PRDM16: variants seen among roughly 807,000 people sequenced by gnomAD.
PRDM16 encodes the protein histone-lysine N-methyltransferase PRDM16.
In PRDM16, 23 loss-of-function variants were observed where a neutral mutation model predicts 110.6. That is an observed-to-expected ratio of 0.21 (90% CI 0.15 to 0.29). PRDM16 has a LOEUF of 0.29. Among genes scored for constraint, PRDM16 ranks in the 10% least tolerant of loss-of-function variants. The probability of loss-of-function intolerance (pLI) is 1.00; values close to 1 mark genes in which losing one functional copy is unlikely to be tolerated. For missense variants in PRDM16, 1,615 were observed against 1,794.3 expected, an observed-to-expected ratio of 0.90 and a Z score of 1.81; for synonymous variants, 799 against 781.8, an observed-to-expected ratio of 1.02 and a Z score of -0.37.
At chr1:3,321,518 G>A (rs1331000434) in intron 3 of PRDM16, among the ~76,000 whole-genome samples, 1 of 150,282 alleles carries the variant, frequency 6.7e-6, no homozygotes, top group Non-Finnish European at 1.5e-5. Context: ...ATATTTGTGT[G>A]GGGGTGCATG....
intron 3 of PRDM16, among the ~76,000 whole-genome samples, chr1:3,288,459 C>CT (rs1285305049): frequency 6.6e-6 from 1 of 152,184 alleles, no homozygotes; most frequent in Non-Finnish European, 1.5e-5. Context: ...CTCCAGCCTG[C>CT]TTTTTCTGAA....
chr1:3,340,076 T>C (rs1335363163), intron 3 of PRDM16, among the ~76,000 whole-genome samples: 1 of 152,180 alleles, frequency 6.6e-6, no homozygotes, highest in African/African-American at 2.4e-5. Context: ...GGTTTGCAGG[T>C]CCATCCTCTG....
At chr1:3,430,733 C>T (rs1557672658) in intron 14 of PRDM16, 139 bp from the exon 15 acceptor site, 2 of 1,021,532 alleles carry the variant, frequency 2.0e-6, no homozygotes, top group East Asian at 2.4e-5. Context: ...GCCCAGGGAC[C>T]CGCGGGAGCT....
At chr1:3,226,959 T>G (rs2100876945) in intron 2 of PRDM16, among the ~76,000 whole-genome samples, 1 of 152,350 alleles carries the variant, frequency 6.6e-6, no homozygotes, top group Admixed American at 6.5e-5. Flanking sequence ...TTTTGCTAAT[T>G]GGATTGGTTA....
At chr1:3,406,660 C>G (rs1260106467) in intron 8 of PRDM16, among the ~76,000 whole-genome samples, 2 of 152,136 alleles carry the variant, frequency 1.3e-5, no homozygotes, top group Non-Finnish European at 2.9e-5. Context: ...AGAGGATGTC[C>G]TGAGCCCAGG....
At chr1:3,381,843 A>G (rs1643107543) in intron 3 of PRDM16, among the ~76,000 whole-genome samples, 1 of 152,222 alleles carries the variant, frequency 6.6e-6, no homozygotes, top group African/African-American at 2.4e-5. Flanking sequence ...AGAGATACAG[A>G]GACAGACAGA....
At chr1:3,412,977 C>T (rs981809677) in intron 9 of PRDM16, among the ~76,000 whole-genome samples, 177 bp downstream of exon 9, 1 of 152,190 alleles carries the variant, frequency 6.6e-6, no homozygotes, top group Non-Finnish European at 1.5e-5. Context: ...GGAGGGATGC[C>T]TGGCTTGGCT....
At chr1:3,089,993 A>C (rs747095686) in intron 1 of PRDM16, among the ~76,000 whole-genome samples, 10 of 152,058 alleles carry the variant, frequency 6.6e-5, no homozygotes, top group African/African-American at 1.2e-4. Context: ...GTATCTCCCA[A>C]ATTTCTAAGA....
intron 1 of PRDM16, among the ~76,000 whole-genome samples, chr1:3,144,318 G>C (rs962140258): frequency 6.6e-6 from 1 of 152,200 alleles, no homozygotes; most frequent in African/African-American, 2.4e-5. Context: ...CGGGTTGGAT[G>C]CAGACAGGCC....
At chr1:3,433,266 G>A (rs960139014) in intron 16 of PRDM16, among the ~76,000 whole-genome samples, 21 of 152,250 alleles carry the variant, frequency 1.4e-4, no homozygotes, top group Admixed American at 1.2e-3. Context: ...CCCTCCCGCC[G>A]TCACGCCTGC....
chr1:3,351,840 C>T lies in PRDM16; in HGVS notation c.439-33312C>T, dbSNP rs142746427. On this transcript the variant is annotated intron_variant, in intron 3 of 16. Coordinates refer to ENST00000270722, the MANE Select transcript of PRDM16 (RefSeq NM_022114.4). ...CAGTCTCCAGCCATTTGGGGGGTTC[C>T]GCCTCCCCCTTGAGAACTCACACAC... is the stretch of plus-strand genomic sequence containing the variant. Among the ~76,000 whole-genome samples the T allele has an allele frequency of 3.2e-3, 482 of 148,562 alleles. 2 individuals carry two copies. The highest frequency in any genetic ancestry group is 5.1e-3 in the South Asian group (23 of 4,514).
chr1:3,091,532 C>T (rs6693385), intron 1 of PRDM16, among the ~76,000 whole-genome samples: 23,895 of 152,244 alleles, frequency 0.16, 1,998 homozygotes, highest in Middle Eastern at 0.23. Context: ...ACGCCTGCCC[C>T]GTGCCACACT....
rs781394846 is a variant in PRDM16, at chr1:3,118,213, A to ACACG, written c.37+48920_37+48921insGCAC. ...CATGCATGTACACACGCACACACGC[A>ACACG]CACACACACGTGCACACACGTGCAT... On this transcript the variant is annotated intron_variant, in intron 1 of 16. Transcript: ENST00000270722. Among the ~76,000 whole-genome samples, 85 of 151,904 alleles carry ACACG rather than the reference A, an allele frequency of 5.6e-4. 1 individual carries two copies. The highest frequency in any genetic ancestry group is 1.1e-3 in the Non-Finnish European group (72 of 67,988).
rs1030114970 is a variant in PRDM16, at chr1:3,080,939, T to G, written c.37+11643T>G. ...GCTTGTGTGCCTGAGAGTGTGTGTGTGTAGAGGGGGTGGCGGGGCGGGGGG... is the reference window on the plus strand; with the variant it reads ...GCTTGTGTGCCTGAGAGTGTGTGTGGGTAGAGGGGGTGGCGGGGCGGGGGG... On this transcript the variant is annotated intron_variant, in intron 1 of 16. Transcript: ENST00000270722. This position sits in a 1 kb window ranked among gnomAD's most constrained non-coding sequence, Gnocchi z 5.2. Among the ~76,000 whole-genome samples the G allele has an allele frequency of 2.0e-5, 3 of 151,580 alleles. No homozygotes were observed. The highest frequency in any genetic ancestry group is 4.4e-5 in the Non-Finnish European group (3 of 67,882).
chr1:3,140,427 GA>G (rs1643527038), intron 1 of PRDM16, among the ~76,000 whole-genome samples: 1 of 152,110 alleles, frequency 6.6e-6, no homozygotes, highest in South Asian at 2.1e-4. Flanking sequence ...TTGCCTCCGA[GA>G]AGGGACAGGT....
intron 2 of PRDM16, among the ~76,000 whole-genome samples, chr1:3,196,165 G>C (rs1324918060): frequency 3.9e-5 from 6 of 152,246 alleles, no homozygotes; most frequent in Admixed American, 1.3e-4. Context: ...AGCTCCAGCA[G>C]GGGCGGCAGC....
intron 3 of PRDM16, among the ~76,000 whole-genome samples, chr1:3,332,239 C>A (rs1257767943): frequency 6.6e-6 from 1 of 152,278 alleles, no homozygotes; most frequent in South Asian, 2.1e-4. Context: ...TTCTGCCACG[C>A]GCTGTGTACT....
Position 3,370,367 on chromosome 1 carries a change from G to A in PRDM16, c.439-14785G>A, listed in dbSNP as rs1433772297. Among the ~76,000 whole-genome samples the A allele has an allele frequency of 6.6e-6, 1 of 152,298 alleles. No homozygotes were observed. Among genetic ancestry groups the A allele is most frequent in the East Asian group, 1.9e-4 (1 of 5,174 alleles). ...AGAAGGGAAAGGATTTGAAATGGAG[G>A]GATGAAGACAGACCCCTGGGAAACG... On this transcript the variant is annotated intron_variant, in intron 3 of 16. Transcript: ENST00000270722. This position sits in a 1 kb window ranked among gnomAD's most constrained non-coding sequence, Gnocchi z 4.8.
chr1:3,232,219 G>A (rs777485096), intron 2 of PRDM16, among the ~76,000 whole-genome samples: 9 of 152,160 alleles, frequency 5.9e-5, no homozygotes, highest in Non-Finnish European at 1.2e-4. Context: ...TCTCCAAATG[G>A]AACCAGTTCA....
Sources: gnomAD v4.1 joint callset for allele counts (sites outside exome capture counted in the v4.1 genomes callset) on GRCh38, gnomAD v4.1.1 for gene constraint, Gnocchi (gnomAD v3.1) non-coding constraint, MANE v1.5 for transcripts, NCBI Gene and HGNC (gene_info 2026-07-23, HGNC 2026-07-21) for gene names.